Variants in RAP1GAP2 observed in about 807,000 individuals in gnomAD.
RAP1GAP2 encodes the protein RAP1 GTPase activating protein 2.
In RAP1GAP2, 27 loss-of-function variants were observed where a neutral mutation model predicts 95.0. That is an observed-to-expected ratio of 0.28 (90% confidence interval 0.21 to 0.39). The LOEUF is 0.39. Among genes scored for constraint, RAP1GAP2 ranks in the 10% least tolerant of loss-of-function variants. RAP1GAP2 has a pLI of 1.00. For missense variants in RAP1GAP2, 771 were observed against 970.0 expected (o/e 0.79, Z 2.72); for synonymous variants, 373 against 380.9 (o/e 0.98, Z 0.24).
chr17:2,965,235 C>T lies in RAP1GAP2; in HGVS notation c.493-305C>T, dbSNP rs1285956988. 1 of 407,004 alleles carries T rather than the reference C, an allele frequency of 2.5e-6. No individual in the cohort carries two copies. The highest frequency in any genetic ancestry group is 4.6e-6 in the Non-Finnish European group (1 of 219,178). The allele number at this position is 407,004 out of a possible 1,614,324, so 25.2% of individuals were successfully genotyped here. ...TCTGTCCCTTACTCATCGTGTCATCCTGGGCAGTGACTTAACCCCCCGACC... is the reference window on the plus strand; with the variant it reads ...TCTGTCCCTTACTCATCGTGTCATCTTGGGCAGTGACTTAACCCCCCGACC... On this transcript the variant is annotated intron_variant, in intron 7 of 24. Transcript: ENST00000254695. The surrounding 1 kb of genome is among the most constrained non-coding windows in gnomAD (Gnocchi z 4.7).
chr17:2,923,337 CTTT>C (rs1202208099), intron 3 of RAP1GAP2, among the ~76,000 whole-genome samples: 1 of 130,712 alleles, frequency 7.7e-6, no homozygotes. Flanking sequence ...CGCGCCCGGC[CTTT>C]TTTTTTTTTG....
At chr17:2,905,257 C>G in intron 2 of RAP1GAP2, 27 bp from the exon 3 acceptor site, 1 of 1,604,730 alleles carries the variant, frequency 6.2e-7, no homozygotes, top group Non-Finnish European at 8.5e-7. Context: ...GGCAGGTCCT[C>G]ACTCACCTCT....
intron 3 of RAP1GAP2, among the ~76,000 whole-genome samples, chr17:2,934,226 G>A (rs2043237707): frequency 6.6e-6 from 1 of 152,200 alleles, no homozygotes; most frequent in Admixed American, 6.5e-5. Flanking sequence ...CTGCCTCCTG[G>A]GTTCAAGTGA....
At chr17:2,800,610 C>T in intron 2 of RAP1GAP2, 60 bp downstream of exon 2, 3 of 1,553,222 alleles carry the variant, frequency 1.9e-6, no homozygotes, top group Non-Finnish European at 8.8e-7. Flanking sequence ...AGCGCCGGGC[C>T]CTTGCTCCCC....
chr17:2,851,533 G>C (rs1022870312), intron 2 of RAP1GAP2, among the ~76,000 whole-genome samples: 19 of 152,240 alleles, frequency 1.2e-4, no homozygotes, highest in African/African-American at 4.6e-4. Flanking sequence ...GGGGCAGAAG[G>C]ATGGGACCTC....
intron 22 of RAP1GAP2, among the ~76,000 whole-genome samples, chr17:3,030,556 C>T (rs1381810865): frequency 6.6e-6 from 1 of 152,108 alleles, no homozygotes; most frequent in Non-Finnish European, 1.5e-5. Context: ...ACTGTAGCCA[C>T]CATCTTTAGG....
In RAP1GAP2 at chr17:2,963,029, G is replaced by C; in HGVS notation, c.246+315G>C. ...GTAAGGGTGTCAGGCTCTGTGCCCC[G>C]GGTTCCAGTGGGCAGTCAGCTCTCA... On this transcript the variant is annotated intron_variant, in intron 5 of 24. Transcript: ENST00000254695. The surrounding 1 kb of genome is among the most constrained non-coding windows in gnomAD (Gnocchi z 4.8). The C allele has an allele frequency of 1.9e-6, 1 of 520,228 alleles. No individual in the cohort carries two copies. Among genetic ancestry groups the C allele is most frequent in the Non-Finnish European group, 3.4e-6 (1 of 293,674 alleles). 32.2% of individuals were successfully genotyped at this position (520,228 alleles called of 1,614,324 possible). A position where few individuals can be genotyped will look rare whatever the true frequency, so the allele number is the denominator to read the frequency against.
intron 1 of RAP1GAP2, among the ~76,000 whole-genome samples, chr17:2,788,577 G>A (rs1161688620): frequency 6.6e-6 from 1 of 152,016 alleles, no homozygotes; most frequent in Admixed American, 6.6e-5. Flanking sequence ...GGATTACTGA[G>A]CCCCAGCCAG....
chr17:3,006,373 G>T (rs532893084), intron 16 of RAP1GAP2, among the ~76,000 whole-genome samples: 2 of 150,280 alleles, frequency 1.3e-5, no homozygotes, highest in East Asian at 2.0e-4. Flanking sequence ...CAGGTGATCC[G>T]CCTGGCCCAG....
At chr17:2,932,383 GC>G (rs1439385791) in intron 3 of RAP1GAP2, among the ~76,000 whole-genome samples, 1 of 152,006 alleles carries the variant, frequency 6.6e-6, no homozygotes, top group African/African-American at 2.4e-5. Flanking sequence ...AGGGAGACTG[GC>G]CAACTGCATA....
At chr17:3,023,423 G>A (rs566813484) in intron 19 of RAP1GAP2, among the ~76,000 whole-genome samples, 1 of 152,292 alleles carries the variant, frequency 6.6e-6, no homozygotes, top group Non-Finnish European at 1.5e-5. Flanking sequence ...GGAAAGGGCG[G>A]CATTTGGTTG....
At chr17:2,774,028 G>A (rs894820354), upstream of RAP1GAP2, among the ~76,000 whole-genome samples, 22 of 152,142 alleles carry the variant, frequency 1.4e-4, no homozygotes, top group African/African-American at 5.1e-4. Context: ...AAAGTGCTGG[G>A]ATTACAGGCA....
chr17:2,883,502 G>T (rs866791691), intron 2 of RAP1GAP2, among the ~76,000 whole-genome samples: 3 of 152,248 alleles, frequency 2.0e-5, no homozygotes, highest in South Asian at 4.1e-4. Context: ...AAGCGCCTTC[G>T]ATCTAAAAGC....
At chr17:2,907,103 C>CG (rs1567764561) in intron 3 of RAP1GAP2, among the ~76,000 whole-genome samples, 1 of 151,830 alleles carries the variant, frequency 6.6e-6, no homozygotes, top group Non-Finnish European at 1.5e-5. Flanking sequence ...TTTTTTCCCC[C>CG]AGTAGTTCTA....
At position 2,963,550 on chromosome 17, in the gene RAP1GAP2, C is replaced by G; in HGVS notation, c.279+88C>G. 6.5e-7 allele frequency: 1 copy of G among 1,545,392 alleles called. No individual in the cohort carries two copies. The highest frequency in any genetic ancestry group is 8.9e-7 in the Non-Finnish European group (1 of 1,118,728). ...AATGATGGCGATGGCCTGTGCCCAGCCCCCCAGGGGAGAGAACCTTGGGCC... is the reference window on the plus strand; with the variant it reads ...AATGATGGCGATGGCCTGTGCCCAGGCCCCCAGGGGAGAGAACCTTGGGCC... On this transcript the variant is annotated intron_variant, in intron 6 of 24. Transcript: ENST00000254695. This position sits in a 1 kb window ranked among gnomAD's most constrained non-coding sequence, Gnocchi z 4.8.
At chr17:2,764,151 G>A (rs182074027) in intron 1 of RAP1GAP2, among the ~76,000 whole-genome samples, 1 of 152,132 alleles carries the variant, frequency 6.6e-6, no homozygotes, top group Admixed American at 6.5e-5. Flanking sequence ...TATAAAATAG[G>A]CTGTGCGCAG....
chr17:2,911,656 G>C (rs2042385911), intron 3 of RAP1GAP2, among the ~76,000 whole-genome samples: 2 of 148,168 alleles, frequency 1.3e-5, no homozygotes, highest in Admixed American at 1.3e-4. Context: ...TCTCAGTGGG[G>C]AGGAGAGGAG....
intron 2 of RAP1GAP2, among the ~76,000 whole-genome samples, chr17:2,887,371 A>C (rs1035593616): frequency 1.2e-4 from 18 of 148,802 alleles, no homozygotes; most frequent in African/African-American, 4.5e-4. Context: ...GATGAAGAAT[A>C]CTTACCTTTT....
chr17:2,975,087 G>T (rs2045053760), intron 8 of RAP1GAP2, among the ~76,000 whole-genome samples: 1 of 152,120 alleles, frequency 6.6e-6, no homozygotes, highest in Admixed American at 6.6e-5. Context: ...AAAATTAGCT[G>T]GGCGTAGTGG....
Sources: gnomAD v4.1 joint callset for allele counts (sites outside exome capture counted in the v4.1 genomes callset) on GRCh38, gnomAD v4.1.1 for gene constraint, Gnocchi (gnomAD v3.1) non-coding constraint, MANE v1.5 for transcripts, NCBI Gene and HGNC (gene_info 2026-07-23, HGNC 2026-07-21) for gene names.